Variants in DNAJC3 observed in about 807,000 individuals in gnomAD.
DNAJC3 encodes DnaJ heat shock protein family (Hsp40) member C3, also known as dnaJ homolog subfamily C member 3.
In DNAJC3, 38 loss-of-function variants were observed where a neutral mutation model predicts 68.6. The observed-to-expected ratio is 0.55, with a 90% confidence interval of 0.43 to 0.73. DNAJC3 has a LOEUF of 0.73. Among genes scored for constraint, DNAJC3 ranks in the 30% least tolerant of loss-of-function variants. DNAJC3 has a pLI of 0.00. For missense variants in DNAJC3, 526 were observed against 591.9 expected (o/e 0.89, Z 1.16); for synonymous variants, 203 against 204.0 (o/e 1.00, Z 0.04).
intron 1 of DNAJC3, among the ~76,000 whole-genome samples, chr13:95,701,202 G>A (rs1459300862): frequency 1.3e-5 from 2 of 152,190 alleles, no homozygotes; most frequent in African/African-American, 2.4e-5. Context: ...CCATGCAGTG[G>A]TGTTGGAGCT....
chr13:95,680,857 G>A (rs1398986956), intron 1 of DNAJC3, among the ~76,000 whole-genome samples: 2 of 152,148 alleles, frequency 1.3e-5, no homozygotes, highest in Non-Finnish European at 2.9e-5. Context: ...CCATTCACCT[G>A]CTCTTCAGAA....
At chr13:95,679,529 G>A (rs1879860070) in intron 1 of DNAJC3, among the ~76,000 whole-genome samples, 4 of 152,108 alleles carry the variant, frequency 2.6e-5, no homozygotes, top group Non-Finnish European at 4.4e-5. Flanking sequence ...TTAGCAAACC[G>A]TTAGCCCCTG....
chr13:95,685,271 A>T (rs1301474949), intron 1 of DNAJC3, among the ~76,000 whole-genome samples: 2 of 152,250 alleles, frequency 1.3e-5, no homozygotes, highest in Non-Finnish European at 2.9e-5. Flanking sequence ...CATGGAGTCA[A>T]AGGAGATTAT....
In DNAJC3 at chr13:95,763,761, T is replaced by C. The variant is rs2069495920; in HGVS notation, c.954+13T>C. 6.2e-7 allele frequency: 1 copy of C among 1,613,788 alleles called. No individual in the cohort carries two copies. On this transcript the variant is annotated intron_variant, in intron 8 of 11. Coordinates refer to ENST00000602402, the MANE Select transcript of DNAJC3 (RefSeq NM_006260.5). ...CTGCTTTTCTAAGGTAACAGTTGAC[T>C]TGTTCCCAGAAATGTGAAAACTCAA...
At chr13:95,677,578 A>C (rs924939203) in intron 1 of DNAJC3, among the ~76,000 whole-genome samples, 3 of 152,198 alleles carry the variant, frequency 2.0e-5, no homozygotes, top group Non-Finnish European at 4.4e-5. Flanking sequence ...ACCGGGCCGC[A>C]GGAGTCGGAG....
At chr13:95,777,291 A>T (rs1883318723) in intron 9 of DNAJC3, among the ~76,000 whole-genome samples, 1 of 152,146 alleles carries the variant, frequency 6.6e-6, no homozygotes, top group Non-Finnish European at 1.5e-5. Flanking sequence ...TGGCCGTCCA[A>T]AGAGCCCTTA....
At chr13:95,696,289 T>G (rs771038431) in intron 1 of DNAJC3, among the ~76,000 whole-genome samples, 3 of 152,124 alleles carry the variant, frequency 2.0e-5, no homozygotes, top group Non-Finnish European at 2.9e-5. Flanking sequence ...CTCCAAGAAA[T>G]CATCATCCCT....
At chr13:95,734,629 TCTTTAC>T (rs1881829473) in intron 4 of DNAJC3, among the ~76,000 whole-genome samples, 1 of 152,212 alleles carries the variant, frequency 6.6e-6, no homozygotes. Flanking sequence ...TGTGGTTTTC[TCTTTAC>T]CTTCTGTGAC....
At chr13:95,784,032 C>T (rs983590624) in intron 9 of DNAJC3, among the ~76,000 whole-genome samples, 2 of 152,148 alleles carry the variant, frequency 1.3e-5, no homozygotes, top group Non-Finnish European at 2.9e-5. Flanking sequence ...TTCTGGGAAC[C>T]CCTTTGCATT....
Position 95,686,533 on chromosome 13 carries a change from A to G in DNAJC3, c.82+9196A>G, listed in dbSNP as rs118173316. On this transcript the variant is annotated intron_variant, in intron 1 of 11. Transcript: ENST00000602402. Reference sequence around the variant, plus strand: ...GGCCAATGTCCAAAATGTTTAATCTATCTTGAGGTAGTTTTTGTATATGCT... The same window carrying G: ...GGCCAATGTCCAAAATGTTTAATCTGTCTTGAGGTAGTTTTTGTATATGCT... 2.8e-3 allele frequency among the ~76,000 whole-genome samples: 422 copies of G among 152,282 alleles called. 2 individuals carry two copies. Among genetic ancestry groups the G allele is most frequent in the Non-Finnish European group, 4.8e-3 (325 of 68,018 alleles).
intron 2 of DNAJC3, among the ~76,000 whole-genome samples, chr13:95,719,501 G>A (rs1031093924): frequency 6.6e-6 from 1 of 152,138 alleles, no homozygotes; most frequent in African/African-American, 2.4e-5. Context: ...TCACCTGGTA[G>A]GTTCCCCTGG....
chr13:95,743,829 G>C (rs57941373), intron 4 of DNAJC3, among the ~76,000 whole-genome samples: 2 of 152,074 alleles, frequency 1.3e-5, no homozygotes, highest in Admixed American at 6.6e-5. Flanking sequence ...AAAGTGCTGG[G>C]ATTATGGGCC....
chr13:95,768,228 A>T (rs577190726), intron 9 of DNAJC3, among the ~76,000 whole-genome samples: 5 of 152,246 alleles, frequency 3.3e-5, no homozygotes, highest in Admixed American at 6.5e-5. Context: ...TCTGTAAAAT[A>T]GGAATAAGAA....
intron 4 of DNAJC3, among the ~76,000 whole-genome samples, chr13:95,730,465 C>T (rs180695792): frequency 3.3e-5 from 5 of 152,122 alleles, no homozygotes; most frequent in African/African-American, 4.8e-5. Context: ...GTCTTTAAGG[C>T]GTTTGTGTTG....
At chr13:95,727,368 C>T (rs185839150) in intron 4 of DNAJC3, among the ~76,000 whole-genome samples, 2 of 152,150 alleles carry the variant, frequency 1.3e-5, no homozygotes, top group Admixed American at 6.5e-5. Context: ...ATTAAAACTT[C>T]TCAGAAACAA....
chr13:95,777,241 T>C (rs902409086), intron 9 of DNAJC3, among the ~76,000 whole-genome samples: 1 of 152,158 alleles, frequency 6.6e-6, no homozygotes, highest in African/African-American at 2.4e-5. Flanking sequence ...CTGGGACTAA[T>C]GTTATGGAAA....
At chr13:95,722,784 C>T (rs1056855106) in intron 2 of DNAJC3, among the ~76,000 whole-genome samples, 3 of 125,038 alleles carry the variant, frequency 2.4e-5, no homozygotes, top group Non-Finnish European at 5.0e-5. Context: ...CATGCCACTG[C>T]GCTCCAACCT....
chr13:95,712,035 G>A (rs1004751105), intron 2 of DNAJC3, among the ~76,000 whole-genome samples: 1 of 152,074 alleles, frequency 6.6e-6, no homozygotes, highest in Non-Finnish European at 1.5e-5. Flanking sequence ...ACACACCACT[G>A]GTTTCTATTA....
At chr13:95,778,103 A>C (rs1194839472) in intron 9 of DNAJC3, among the ~76,000 whole-genome samples, 2 of 152,198 alleles carry the variant, frequency 1.3e-5, no homozygotes, top group Non-Finnish European at 2.9e-5. Flanking sequence ...TGCTGCCCAG[A>C]GTGAGCCACA....
Sources: gnomAD v4.1 joint callset for allele counts (sites outside exome capture counted in the v4.1 genomes callset) on GRCh38, gnomAD v4.1.1 for gene constraint, MANE v1.5 for transcripts, NCBI Gene and HGNC (gene_info 2026-07-23, HGNC 2026-07-21) for gene names.